The following ROBO2 variants were observed in gnomAD, a reference collection of about 807,000 sequenced individuals.
ROBO2 encodes roundabout homolog 2.
In ROBO2, 53 loss-of-function variants were observed where a neutral mutation model predicts 160.8. The ratio of observed to expected loss-of-function variants is 0.33; its 90% CI spans 0.26 to 0.41. The LOEUF is 0.41. ROBO2 is among the 10% of genes least tolerant of loss of function. ROBO2 has a pLI of 1.00. For synonymous variants in ROBO2, 664 were observed against 611.7 expected, an observed-to-expected ratio of 1.09 and a Z score of -1.26; for missense variants, 1,577 against 1,722.4, an observed-to-expected ratio of 0.92 and a Z score of 1.49.
At chr3:77,170,342 G>C (rs917040125) in intron 2 of ROBO2, among the ~76,000 whole-genome samples, 5 of 152,050 alleles carry the variant, frequency 3.3e-5, no homozygotes, top group African/African-American at 1.2e-4. Context: ...ATACATATGT[G>C]TTTAACAGAT....
chr3:76,419,579 C>T (rs2075904217), intron 2 of ROBO2, among the ~76,000 whole-genome samples: 2 of 151,990 alleles, frequency 1.3e-5, no homozygotes, highest in Non-Finnish European at 2.9e-5. Context: ...TTTTCCTCCA[C>T]AGAGGAAGCT....
intron 2 of ROBO2, among the ~76,000 whole-genome samples, chr3:76,287,053 C>T (rs900693380): frequency 6.6e-6 from 1 of 152,190 alleles, no homozygotes; most frequent in South Asian, 2.1e-4. Flanking sequence ...CCTAGCTAAG[C>T]AAAAATATAA....
chr3:77,647,271 C>A (rs1031377), exon 26 of ROBO2: 1 of 151,844 alleles, frequency 6.6e-6, no homozygotes, highest in South Asian at 2.1e-4. Flanking sequence ...GTGAAGTTTA[C>A]GCCACCCAAT....
intron 2 of ROBO2, among the ~76,000 whole-genome samples, chr3:76,874,060 G>A (rs2072437054): frequency 1.3e-5 from 2 of 152,162 alleles, no homozygotes; most frequent in African/African-American, 4.8e-5. Flanking sequence ...AAGTTAAGAG[G>A]GAGCAGGTTA....
intron 2 of ROBO2, among the ~76,000 whole-genome samples, chr3:76,125,496 T>A (rs2070936055): frequency 1.3e-5 from 2 of 152,180 alleles, no homozygotes; most frequent in Admixed American, 6.5e-5. Flanking sequence ...CTTGGCAGCC[T>A]CACCAGCATC....
chr3:77,217,273 G>T lies in ROBO2; in HGVS notation c.388+118933G>T, dbSNP rs190227359. On this transcript the variant is annotated intron_variant, in intron 2 of 25. Coordinates refer to ENST00000461745, the Ensembl canonical transcript of ROBO2. Reference sequence around the variant, plus strand: ...TTCTCCTACCTCAGCCTCCCAAGTAGCTAAGACCACAGGTGCACATCACCA... The same window carrying T: ...TTCTCCTACCTCAGCCTCCCAAGTATCTAAGACCACAGGTGCACATCACCA... 3.1e-3 allele frequency among the ~76,000 whole-genome samples: 472 copies of T among 152,144 alleles called. 1 individual carries two copies. Among genetic ancestry groups the T allele is most frequent in the African/African-American group, 0.011 (450 of 41,506 alleles).
At position 76,715,651 on chromosome 3, in the gene ROBO2, C is replaced by T. The variant is rs575168719; in HGVS notation, c.110-382363C>T. ...TTGTGTTGTGCATTGCAATAAACTA[C>T]TAAAGGTCAGAGCCATGAGAATGAA... On this transcript the variant is annotated intron_variant, in intron 2 of 26. Transcript: ENST00000487694. Among the ~76,000 whole-genome samples the T allele has an allele frequency of 3.9e-5, 6 of 152,226 alleles. No homozygotes were observed. In the South Asian group the frequency reaches 1.2e-3, roughly 32 times the overall value.
intron 2 of ROBO2, among the ~76,000 whole-genome samples, chr3:76,538,489 G>A (rs752437123): frequency 1.6e-4 from 24 of 152,242 alleles, no homozygotes; most frequent in African/African-American, 3.9e-4. Context: ...TTTACATCAC[G>A]TACCATTGTT....
At chr3:77,050,219 C>T (rs2065079184) in intron 1 of ROBO2, among the ~76,000 whole-genome samples, 1 of 152,094 alleles carries the variant, frequency 6.6e-6, no homozygotes, top group African/African-American at 2.4e-5. Context: ...TGCCAGATAA[C>T]AGTACAGTTA....
At chr3:77,337,695 C>T (rs1056909573) in intron 2 of ROBO2, among the ~76,000 whole-genome samples, 13 of 152,010 alleles carry the variant, frequency 8.6e-5, no homozygotes, top group East Asian at 1.9e-4. Flanking sequence ...TAAATGAGAA[C>T]ACGACAAAAC....
intron 2 of ROBO2, among the ~76,000 whole-genome samples, chr3:76,429,951 A>C (rs2109007068): frequency 1.3e-5 from 2 of 152,190 alleles, no homozygotes; most frequent in South Asian, 4.2e-4. Context: ...AAAGGAACAA[A>C]CAGCATAGAC....
At chr3:77,505,372 T>C (rs999307975) in intron 5 of ROBO2, among the ~76,000 whole-genome samples, 2 of 151,710 alleles carry the variant, frequency 1.3e-5, no homozygotes, top group Non-Finnish European at 2.9e-5. Flanking sequence ...TATGTCAGAG[T>C]TATTGGAAAA....
intron 2 of ROBO2, among the ~76,000 whole-genome samples, chr3:76,932,155 C>A (rs1028505681): frequency 6.6e-6 from 1 of 151,954 alleles, no homozygotes; most frequent in African/African-American, 2.4e-5. Flanking sequence ...AATAAGAATT[C>A]TAGTAGCATT....
chr3:76,658,401 T>G (rs148679855), intron 2 of ROBO2, among the ~76,000 whole-genome samples: 4 of 152,224 alleles, frequency 2.6e-5, no homozygotes, highest in Admixed American at 1.3e-4. Context: ...GTTTGTTACA[T>G]AAGTATACAC....
rs115622386 is a variant in ROBO2, at chr3:76,989,498, T to C, written c.110-108516T>C. The stretch of plus-strand genomic sequence containing the variant: ...GGGGTGTTTTTTAAACTTCTAAGTT[T>C]AAAAAACATTTAAACTTAGAAGACA... On this transcript the variant is annotated intron_variant, in intron 2 of 26. Transcript: ENST00000487694. 7.4e-3 allele frequency among the ~76,000 whole-genome samples: 1,128 copies of C among 152,130 alleles called. 17 individuals are homozygous for C. The highest frequency in any genetic ancestry group is 0.025 in the African/African-American group (1,030 of 41,542).
Position 76,336,225 on chromosome 3 carries a change from C to G in ROBO2, c.109+398623C>G, listed in dbSNP as rs574847114. Among the ~76,000 whole-genome samples, 17 of 63,604 alleles carry G rather than the reference C, an allele frequency of 2.7e-4. No homozygotes were observed. In the East Asian group the frequency reaches 0.011, roughly 40 times the overall value. The allele number at this position is 63,604 out of a possible 152,430, so 41.7% of individuals were successfully genotyped here. A position where few individuals can be genotyped will look rare whatever the true frequency, so the allele number is the denominator to read the frequency against. On this transcript the variant is annotated intron_variant, in intron 2 of 26. Coordinates refer to the ROBO2 transcript ENST00000487694. ...ACTTGAGATCACTGTATGTACGTAG[C>G]AAGAAGAAAAAAAGGAAAAGAAAAT...
rs1450633145 is a variant in ROBO2 at position 77,582,214 on chromosome 3, G to A, written c.2500+2096G>A. On this transcript the variant is annotated intron_variant, in intron 16 of 25. Transcript: ENST00000461745. ...TCTCCAAGGTTCAAGAGATTCTCCT[G>A]CCTCAGCCTCCTGAGTAGCTGGAAC... Among the ~76,000 whole-genome samples, 3 of 152,124 alleles carry A rather than the reference G, an allele frequency of 2.0e-5. No individual in the cohort carries two copies. In the East Asian group the frequency reaches 5.8e-4, roughly 29 times the overall value.
chr3:76,874,442 A>G (rs1033914942), intron 2 of ROBO2, among the ~76,000 whole-genome samples: 104 of 152,174 alleles, frequency 6.8e-4, no homozygotes, highest in African/African-American at 2.4e-3. Flanking sequence ...TTTAAACTAC[A>G]TAAGAAATTC....
At chr3:77,170,352 T>C (rs1044639898) in intron 2 of ROBO2, among the ~76,000 whole-genome samples, 22 of 152,148 alleles carry the variant, frequency 1.4e-4, no homozygotes, top group Admixed American at 2.6e-4. Flanking sequence ...GTTTAACAGA[T>C]CTAATTATAT....
Sources: allele counts gnomAD v4.1 joint callset (sites outside exome capture counted in the v4.1 genomes callset), GRCh38; gene constraint gnomAD v4.1.1; transcripts MANE v1.5; gene names NCBI Gene and HGNC (gene_info 2026-07-23, HGNC 2026-07-21).